EHD1: variants seen among roughly 807,000 people sequenced by gnomAD.
EHD1 encodes EH domain containing 1, also known as EH domain-containing protein 1.
In EHD1, 19 loss-of-function variants were observed where a neutral mutation model predicts 39.0. That is an observed-to-expected ratio of 0.49 (90% CI 0.34 to 0.72). EHD1 has a LOEUF of 0.72. Among genes scored for constraint, EHD1 ranks in the 30% least tolerant of loss-of-function variants. EHD1 has a pLI of 0.01. For synonymous variants in EHD1, 323 were observed against 331.2 expected (o/e 0.98, Z 0.27); for missense variants, 542 against 751.5 (o/e 0.72, Z 3.26).
intron 2 of EHD1, among the ~76,000 whole-genome samples, chr11:64,860,807 G>A (rs1376139840): frequency 1.3e-5 from 2 of 151,802 alleles, no homozygotes; most frequent in African/African-American, 4.8e-5. Flanking sequence ...GGATCACAAG[G>A]TCAGGAGTTC....
intron 1 of EHD1, among the ~76,000 whole-genome samples, chr11:64,876,783 G>A (rs1943889500): frequency 6.6e-6 from 1 of 152,268 alleles, no homozygotes; most frequent in South Asian, 2.1e-4. Context: ...CCCTCACAAG[G>A]AAAGTGAAGA....
intron 3 of EHD1, among the ~76,000 whole-genome samples, chr11:64,858,866 C>G (rs1029298249): frequency 4.6e-5 from 7 of 152,246 alleles, no homozygotes; most frequent in Admixed American, 3.3e-4. Context: ...ATAGGTGCCA[C>G]CAGGCCTGGG....
At chr11:64,872,742 C>T (rs1053462380) in intron 2 of EHD1, among the ~76,000 whole-genome samples, 1 of 152,150 alleles carries the variant, frequency 6.6e-6, no homozygotes, top group Admixed American at 6.5e-5. Flanking sequence ...CTGATGCAGT[C>T]CCACACGGGC....
rs531482950 is a variant in EHD1, at chr11:64,852,188, TG to T, written c.*2144del. On this transcript the variant is annotated 3_prime_UTR_variant, in exon 5 of 5. Coordinates refer to ENST00000320631, the MANE Select transcript of EHD1 (RefSeq NM_006795.4). ...ACTAATCAGTCACCCTTCCCTCTGC[TG>T]GTATAAACAGTCCCCCATCTGTGAC... The T allele has an allele frequency of 6.6e-6, 1 of 152,220 alleles. No homozygotes were observed. The highest frequency in any genetic ancestry group is 1.5e-5 in the Non-Finnish European group (1 of 68,038). The allele number at this position is 152,220 out of a possible 1,614,324, so 9.4% of individuals were successfully genotyped here. A position where few individuals can be genotyped will look rare whatever the true frequency, so the allele number is the denominator to read the frequency against.
chr11:64,856,863 G>C (rs1268150626), intron 3 of EHD1, among the ~76,000 whole-genome samples: 1 of 152,196 alleles, frequency 6.6e-6, no homozygotes, highest in Non-Finnish European at 1.5e-5. Flanking sequence ...CAGTGTGCCT[G>C]GGGCCTGGCA....
At position 64,854,704 on chromosome 11, in the gene EHD1, C is replaced by T. The variant is rs775486279; in HGVS notation, c.1234G>A (p.Gly412Ser). 8.7e-6 allele frequency: 14 copies of T among 1,613,222 alleles called. No homozygotes were observed. The highest frequency in any genetic ancestry group is 1.6e-4 in the Middle Eastern group (1 of 6,062). The change falls in exon 5 of 5, where the codon GGC becomes AGC. Residue 412 changes from glycine (G) to serine (S), a missense_variant. Gly to Ser is a moderately conservative substitution (Grantham distance 56, BLOSUM62 0). Coordinates refer to ENST00000320631, the MANE Select transcript of EHD1 (RefSeq NM_006795.4). ...CCGTTCATGGTGCCGTCAAAGGCGC[C>T]GCCCTTGACCACCTGGGAAGGCATC... ...SLMPSQVVKG[G>S]AFDGTMNGPF...
chr11:64,879,616 TC>T, upstream of EHD1: 1 of 1,551,040 alleles, frequency 6.4e-7, no homozygotes, highest in South Asian at 1.2e-5. Context: ...CCTTACCAGT[TC>T]CTGGCTGTTC....
In EHD1 at chr11:64,854,085, G is replaced by C. The variant is rs752475313; in HGVS notation, c.*248C>G. ...GGCACACAGGGGAGGCGGCGACAAA[G>C]AACGCAGCCTCTAACGTTATATATT... On this transcript the variant is annotated 3_prime_UTR_variant, in exon 5 of 5. Transcript: ENST00000320631. 1 of 674,950 alleles carries C rather than the reference G, an allele frequency of 1.5e-6. No homozygotes were observed. The highest frequency in any genetic ancestry group is 2.4e-6 in the Non-Finnish European group (1 of 415,912). The allele number at this position is 674,950 out of a possible 1,614,324, so 41.8% of individuals were successfully genotyped here.
rs149085797 is a variant in EHD1 at position 64,859,966 on chromosome 11, G to C, written c.873C>G (p.Leu291=). 42 of 1,613,710 alleles carry C rather than the reference G, an allele frequency of 2.6e-5. No homozygotes were observed. The highest frequency in any genetic ancestry group is 3.5e-5 in the Non-Finnish European group (41 of 1,180,002). Reference sequence around the variant, plus strand: ...GCTTGATCAGGTCATTGAGCTTCCTGAGGGCGGCGTTTCGGGGCAGTGACT... The same window carrying C: ...GCTTGATCAGGTCATTGAGCTTCCTCAGGGCGGCGTTTCGGGGCAGTGACT... ...DIQSLPRNAA[L]RKLNDLIKRA... Residue 291 remains leucine (L), a synonymous_variant, in exon 3 of 5, where the codon CTC becomes CTG. Coordinates refer to ENST00000320631, the MANE Select transcript of EHD1 (RefSeq NM_006795.4).
rs3842268 is a variant in EHD1 at position 64,853,155 on chromosome 11, TG to T, written c.*1177del. 0.77 allele frequency: 117,228 copies of T among 152,264 alleles called. 46,690 individuals are homozygous for T. Among genetic ancestry groups the T allele is most frequent in the Non-Finnish European group, 0.87 (58,966 of 68,030 alleles). The allele number at this position is 152,264 out of a possible 1,614,324, so 9.4% of individuals were successfully genotyped here. A position where few individuals can be genotyped will look rare whatever the true frequency, so the allele number is the denominator to read the frequency against. On this transcript the variant is annotated 3_prime_UTR_variant, in exon 5 of 5. Coordinates refer to ENST00000320631, the MANE Select transcript of EHD1 (RefSeq NM_006795.4). ...GGTTCTGGTTTCTTATTGCTCAACC[TG>T]GGGGCCAGGGGCGTTGTAAGGACAT...
intron 2 of EHD1, among the ~76,000 whole-genome samples, chr11:64,863,718 G>C (rs1943739301): frequency 6.6e-6 from 1 of 152,236 alleles, no homozygotes; most frequent in African/African-American, 2.4e-5. Context: ...CCCCACACCT[G>C]GCGCTCCCAG....
At position 64,878,130 on chromosome 11, in the gene EHD1, T is replaced by C. The variant is rs542855298; in HGVS notation, c.335A>G (p.Asn112Ser). The change falls in exon 1 of 5, where the codon AAC becomes AGC. Residue 112 changes from asparagine (N) to serine (S), a missense_variant. Physicochemically the swap from Asn to Ser is conservative, Grantham distance 46. Transcript: ENST00000320631. ...HGPTEGVVPG[N>S]ALVVDPRRPF... ...GCGCCGCGGGTCCACCACGAGCGCG[T>C]TGCCCGGCACCACGCCCTCAGTGGG... 1.9e-6 allele frequency: 3 copies of C among 1,570,308 alleles called. No homozygotes were observed. The highest frequency in any genetic ancestry group is 1.4e-5 in the African/African-American group (1 of 73,804).
In EHD1 at chr11:64,878,113, GGTCCACCACGAGCGC is replaced by G; in HGVS notation, c.337_351del (p.Ala113_Asp117del). 6.4e-7 allele frequency: 1 copy of G among 1,555,354 alleles called. No individual in the cohort carries two copies. Among genetic ancestry groups the G allele is most frequent in the Non-Finnish European group, 8.7e-7 (1 of 1,148,330 alleles). On this transcript the variant is annotated inframe_deletion, in exon 1 of 5. Coordinates refer to ENST00000320631, the MANE Select transcript of EHD1 (RefSeq NM_006795.4). ...TTGAGCTTGCGGAAGGGGCGCCGCG[GGTCCACCACGAGCGC>G]GTTGCCCGGCACCACGCCCTCAGTG...
intron 3 of EHD1, among the ~76,000 whole-genome samples, chr11:64,858,881 C>T (rs1425471333): frequency 6.6e-6 from 1 of 152,244 alleles, no homozygotes; most frequent in African/African-American, 2.4e-5. Context: ...CCTGGGCTGC[C>T]AGGAGACCTA....
At position 64,870,089 on chromosome 11, in the gene EHD1, C is replaced by T. The variant is rs369300028; in HGVS notation, c.502+4332G>A. On this transcript the variant is annotated intron_variant, in intron 2 of 4. Coordinates refer to ENST00000320631, the MANE Select transcript of EHD1 (RefSeq NM_006795.4). ...CATTTATGGCTGGGAACAGGGAACA[C>T]AATACCAGCACTGCTGTTCAAAGCC... Among the ~76,000 whole-genome samples the T allele has an allele frequency of 4.4e-4, 67 of 152,364 alleles. 1 individual carries two copies. The highest frequency in any genetic ancestry group is 1.5e-3 in the African/African-American group (63 of 41,586).
At position 64,856,350 on chromosome 11, in the gene EHD1, C is replaced by T. The variant is rs149133027; in HGVS notation, c.916-864G>A. On this transcript the variant is annotated intron_variant, in intron 3 of 4. Transcript: ENST00000320631. ...AATGGGCCCGTGCCACGCTCCACTCCATCATCACAGCTCGGATGACGAAGG... is the reference window on the plus strand; with the variant it reads ...AATGGGCCCGTGCCACGCTCCACTCTATCATCACAGCTCGGATGACGAAGG... 2.9e-3 allele frequency: 439 copies of T among 152,490 alleles called. 3 individuals are homozygous for T. The highest frequency in any genetic ancestry group is 0.011 in the South Asian group (53 of 4,904). The allele number at this position is 152,490 out of a possible 1,614,324, so 9.4% of individuals were successfully genotyped here.
intron 2 of EHD1, among the ~76,000 whole-genome samples, chr11:64,872,392 A>G (rs1391687227): frequency 6.6e-6 from 1 of 152,062 alleles, no homozygotes; most frequent in African/African-American, 2.4e-5. Flanking sequence ...ACCAGGGAGG[A>G]GGAGGTTGTA....
chr11:64,874,785 A>C (rs1943868166), intron 1 of EHD1, among the ~76,000 whole-genome samples: 1 of 152,206 alleles, frequency 6.6e-6, no homozygotes, highest in Non-Finnish European at 1.5e-5. Context: ...TTGAGAGGTC[A>C]ACTTTCAAGC....
At chr11:64,866,136 A>C (rs897695790) in intron 2 of EHD1, among the ~76,000 whole-genome samples, 2 of 152,220 alleles carry the variant, frequency 1.3e-5, no homozygotes, top group East Asian at 3.8e-4. Context: ...CTGGATAAAG[A>C]AAACATGGTA....
Sources: allele counts gnomAD v4.1 joint callset (sites outside exome capture counted in the v4.1 genomes callset), GRCh38; gene constraint gnomAD v4.1.1; transcripts MANE v1.5; gene names NCBI Gene and HGNC (gene_info 2026-07-23, HGNC 2026-07-21).